Variants in JAK1 observed in about 807,000 individuals in gnomAD.
The protein encoded by JAK1 is tyrosine-protein kinase JAK1.
A neutral mutation model predicts 136.6 loss-of-function variants in JAK1; 16 were observed. The observed-to-expected ratio is 0.12, with a 90% CI of 0.08 to 0.18. The LOEUF (loss-of-function observed/expected upper bound fraction) is 0.18, where lower values mean the gene tolerates loss of function less well. Ranked by LOEUF, JAK1 falls within the 10% of genes least tolerant of loss-of-function variation. The probability of loss-of-function intolerance (pLI) is 1.00; values close to 1 mark genes in which losing one functional copy is unlikely to be tolerated. For missense variants in JAK1, 859 were observed against 1,450.1 expected (o/e 0.59, Z 6.62); for synonymous variants, 492 against 519.5 (o/e 0.95, Z 0.72).
intron 1 of JAK1, among the ~76,000 whole-genome samples, chr1:64,919,466 G>A (rs1046348471): frequency 7.2e-5 from 11 of 152,108 alleles, no homozygotes; most frequent in Non-Finnish European, 1.0e-4. Context: ...GAATAGTGCC[G>A]CTATAAACAT....
chr1:65,043,212 C>T (rs867004798), intron 2 of JAK1, among the ~76,000 whole-genome samples: 25 of 152,080 alleles, frequency 1.6e-4, no homozygotes, highest in Admixed American at 6.6e-4. Flanking sequence ...TAATTAGCCT[C>T]CATTAATAAG....
At chr1:65,028,472 A>AAAGGAAGG (rs559427056) in intron 2 of JAK1, among the ~76,000 whole-genome samples, 1 of 134,418 alleles carries the variant, frequency 7.4e-6, no homozygotes, top group African/African-American at 2.8e-5. Flanking sequence ...AGAAAGGAAG[A>AAAGGAAGG]AAGGAAGGAA....
chr1:64,927,850 T>C (rs12745769), intron 1 of JAK1, among the ~76,000 whole-genome samples: 89,886 of 152,098 alleles, frequency 0.59, 31,286 homozygotes, highest in Middle Eastern at 0.82. Flanking sequence ...CTACAGCATA[T>C]GGTTGGGCAG....
intron 1 of JAK1, among the ~76,000 whole-genome samples, chr1:64,896,056 T>C (rs1277432915): frequency 6.6e-6 from 1 of 152,224 alleles, no homozygotes; most frequent in African/African-American, 2.4e-5. Context: ...TAGATGGGTA[T>C]CCTGAAATAG....
chr1:64,933,604 A>G (rs554937582), intron 1 of JAK1, among the ~76,000 whole-genome samples: 1 of 152,330 alleles, frequency 6.6e-6, no homozygotes, highest in Admixed American at 6.5e-5. Flanking sequence ...CTTCAACAGA[A>G]GTTATTCAAA....
intron 2 of JAK1, among the ~76,000 whole-genome samples, chr1:65,042,347 C>A (rs2100838040): frequency 6.6e-6 from 1 of 151,990 alleles, no homozygotes; most frequent in South Asian, 2.1e-4. Flanking sequence ...TACTGAAGGA[C>A]AACTGTATAT....
intron 1 of JAK1, among the ~76,000 whole-genome samples, chr1:64,928,593 G>A (rs1209196040): frequency 1.3e-5 from 2 of 151,936 alleles, no homozygotes; most frequent in Admixed American, 1.3e-4. Flanking sequence ...GGAGCATAAA[G>A]AGACCCAAGA....
At chr1:65,011,689 GC>G (rs1168700734) in intron 2 of JAK1, among the ~76,000 whole-genome samples, 8 of 152,208 alleles carry the variant, frequency 5.3e-5, no homozygotes, top group Admixed American at 3.9e-4. Context: ...AGACCACTGA[GC>G]TTGCTGTCCC....
intron 1 of JAK1, among the ~76,000 whole-genome samples, chr1:64,945,066 A>T (rs1427150895): frequency 1.3e-5 from 2 of 152,016 alleles, no homozygotes; most frequent in South Asian, 4.2e-4. Context: ...CCCTAGTCGC[A>T]TATCACACTA....
rs539059483 is a variant in JAK1, at chr1:64,845,280, C to T, written c.2115+233G>A. Among the ~76,000 whole-genome samples the T allele has an allele frequency of 3.9e-5, 6 of 152,286 alleles. No homozygotes were observed. In the East Asian group the frequency reaches 1.2e-3, roughly 29 times the overall value. On this transcript the variant is annotated intron_variant, in intron 15 of 24. Coordinates refer to ENST00000342505, the MANE Select transcript of JAK1 (RefSeq NM_002227.4). ...ATATGCTGCAGTATGCAAGTCGGCC[C>T]TCTGACGTGCTAACATTTCCCACTA...
intron 2 of JAK1, among the ~76,000 whole-genome samples, chr1:64,989,002 G>GTATATATATATATATA (rs57569640): frequency 7.0e-5 from 9 of 129,212 alleles, no homozygotes; most frequent in South Asian, 5.1e-4. Context: ...GTGTGTGTGT[G>GTATATATATATATATA]TATATATATA....
chr1:65,058,557 T>A (rs1346928374), intron 1 of JAK1: 1 of 527,146 alleles, frequency 1.9e-6, no homozygotes, highest in Non-Finnish European at 3.9e-6. Flanking sequence ...GGTGGCTGCA[T>A]TACTCTCTCT....
At chr1:64,853,265 C>T (rs1444290871) in intron 11 of JAK1, among the ~76,000 whole-genome samples, 1 of 152,174 alleles carries the variant, frequency 6.6e-6, no homozygotes, top group Non-Finnish European at 1.5e-5. Flanking sequence ...AGGCCTTATT[C>T]TTACTCTCCC....
At chr1:65,010,305 C>G (rs915921337) in intron 2 of JAK1, among the ~76,000 whole-genome samples, 1 of 152,192 alleles carries the variant, frequency 6.6e-6, no homozygotes, top group Non-Finnish European at 1.5e-5. Flanking sequence ...CTCTCGCACG[C>G]TCATTCTCTC....
intron 1 of JAK1, among the ~76,000 whole-genome samples, chr1:64,908,854 C>T (rs1645234305): frequency 6.6e-6 from 1 of 152,018 alleles, no homozygotes; most frequent in African/African-American, 2.4e-5. Context: ...TTTCTCCAGC[C>T]CAGAAAGCAA....
chr1:64,844,139 C>G lies in JAK1; in HGVS notation c.2328G>C (p.Lys776Asn). The change falls in exon 17 of 25, where the codon AAG (lysine) becomes AAC (asparagine). Residue 776 changes from lysine (K) to asparagine (N), a missense_variant. Lys to Asn is a moderately conservative substitution (Grantham distance 94). This residue lies in a region of JAK1 where 409 missense variants were observed against 753.8 expected (regional missense o/e 0.54). Transcript: ENST00000342505. The surrounding 1 kb of genome is among the most constrained non-coding windows in gnomAD (Gnocchi z 5.7). ...CCCAGAGCGTGGTTCCAAAGCTCCA[C>G]TTGTCAGCAGCCACACTCAGGTTCT... The part of the protein sequence containing the change: ...DSKNLSVAAD[K>N]WSFGTTLWEI... 2 of 1,614,256 alleles carry G rather than the reference C, an allele frequency of 1.2e-6. No homozygotes were observed.
At chr1:64,865,278 A>G (rs2101105546) in intron 7 of JAK1, among the ~76,000 whole-genome samples, 1 of 152,370 alleles carries the variant, frequency 6.6e-6, no homozygotes, top group African/African-American at 2.4e-5. Flanking sequence ...ACATGCATCT[A>G]CATTCAGGTC....
At chr1:64,910,865 C>G in intron 1 of JAK1, among the ~76,000 whole-genome samples, 1 of 123,354 alleles carries the variant, frequency 8.1e-6, no homozygotes, top group South Asian at 2.7e-4. Context: ...AAAAAAAAAT[C>G]AACATAGGGC....
chr1:64,968,212 T>C (rs907241143), upstream of JAK1, among the ~76,000 whole-genome samples: 1 of 151,820 alleles, frequency 6.6e-6, no homozygotes, highest in Admixed American at 6.6e-5. Context: ...GTTCACAGGG[T>C]GGAATCAGGG....
Sources: gnomAD v4.1 joint callset for allele counts (sites outside exome capture counted in the v4.1 genomes callset) on GRCh38, gnomAD v4.1.1 for gene constraint, gnomAD v4.1.1 regional missense constraint, Gnocchi (gnomAD v3.1) non-coding constraint, MANE v1.5 for transcripts, NCBI Gene and HGNC (gene_info 2026-07-23, HGNC 2026-07-21) for gene names.